The following SMC3 variants were observed in gnomAD, a reference collection of about 807,000 sequenced individuals.
SMC3 encodes the protein structural maintenance of chromosomes 3.
Under a neutral mutation model 171.8 loss-of-function variants are expected in SMC3, and 20 were observed. The observed-to-expected ratio is 0.12, with a 90% CI of 0.08 to 0.17. The LOEUF (loss-of-function observed/expected upper bound fraction) is 0.17. Among genes scored for constraint, SMC3 ranks in the 10% least tolerant of loss-of-function variants. SMC3 has a pLI of 1.00. For synonymous variants in SMC3, 464 were observed against 451.1 expected (o/e 1.03, Z -0.36); for missense variants, 543 against 1,420.4 (o/e 0.38, Z 9.93).
Position 110,573,938 on chromosome 10 carries a change from G to A in SMC3, c.130+193G>A, listed in dbSNP as rs79110044. On this transcript the variant is annotated intron_variant, in intron 3 of 28. Coordinates refer to ENST00000361804, the MANE Select transcript of SMC3 (RefSeq NM_005445.4). The stretch of plus-strand genomic sequence containing the variant: ...CTTTATACCCAGTGGCTGATTAGCT[G>A]TGTGAGAGTGGGCAAAACACGTAGC... 0.12 allele frequency among the ~76,000 whole-genome samples: 17,726 copies of A among 152,134 alleles called. 1,216 individuals are homozygous for A. Among genetic ancestry groups the A allele is most frequent in the East Asian group, 0.26 (1,357 of 5,174 alleles).
chr10:110,591,105 C>G lies in SMC3; in HGVS notation c.1785C>G (p.Val595=), dbSNP rs1488671740. 1.9e-6 allele frequency: 3 copies of G among 1,613,674 alleles called. No homozygotes were observed. In the Admixed American group the frequency reaches 5.0e-5, roughly 27 times the overall value. The part of the protein sequence containing the change: ...VTFLPLNKLD[V]RDTAYPETND... ...TTCTGCCTCTTAACAAGTTAGATGT[C>G]AGGGATACAGCCTATCCTGAAACCA... Residue 595 remains valine (V), a synonymous_variant, in exon 17 of 29, where the codon GTC becomes GTG. Transcript: ENST00000361804.
intron 18 of SMC3, among the ~76,000 whole-genome samples, chr10:110,595,682 C>G (rs1216811933): frequency 6.6e-6 from 1 of 152,078 alleles, no homozygotes; most frequent in Non-Finnish European, 1.5e-5. Context: ...TTAGCTGTCA[C>G]TCTTCTGTAG....
chr10:110,575,184 A>G, intron 3 of SMC3, 152 bp from the exon 4 acceptor site: 1 of 645,754 alleles, frequency 1.5e-6, no homozygotes, highest in Non-Finnish European at 2.8e-6. Flanking sequence ...GTGCAGGCAC[A>G]TTTTCTGCAT....
chr10:110,605,040 A>C lies in SMC3; in HGVS notation c.*738A>C, dbSNP rs1422390949. 1.3e-5 allele frequency among the ~76,000 whole-genome samples: 2 copies of C among 152,140 alleles called. No individual in the cohort carries two copies. The highest frequency in any genetic ancestry group is 6.5e-5 in the Admixed American group (1 of 15,276). On this transcript the variant is annotated 3_prime_UTR_variant, in exon 29 of 29. Transcript: ENST00000361804. Reference sequence around the variant, plus strand: ...TGAATAATATTCACATATTTTGTAGAATGTCCCTCAAATTAGGTTTGTCTA... The same window carrying C: ...TGAATAATATTCACATATTTTGTAGCATGTCCCTCAAATTAGGTTTGTCTA...
chr10:110,579,942 T>A (rs2419574), intron 7 of SMC3, among the ~76,000 whole-genome samples: 111,566 of 151,578 alleles, frequency 0.74, 42,275 homozygotes, highest in Non-Finnish European at 0.84. Flanking sequence ...ATTCTCTCTA[T>A]ATTTAAAGCA....
At chr10:110,593,019 A>C in intron 17 of SMC3, 54 bp from the exon 18 acceptor site, 1 of 1,366,302 alleles carries the variant, frequency 7.3e-7, no homozygotes, top group South Asian at 1.2e-5. Context: ...TCATAATTCT[A>C]AGTTCTTAGT....
rs1226471863 is a variant in SMC3, at chr10:110,599,857, T to C, written c.2427+45T>C. ...GAAAAAGAATTCGTTAGTAATTGGC[T>C]ATTGTGAAAAGGGCCTTTCTTGCTA... On this transcript the variant is annotated intron_variant, in intron 21 of 28. Coordinates refer to ENST00000361804, the MANE Select transcript of SMC3 (RefSeq NM_005445.4). The C allele has an allele frequency of 2.5e-6, 4 of 1,591,166 alleles. No homozygotes were observed. The East Asian group carries it at 8.9e-5, about 36-fold the overall frequency.
chr10:110,587,135 CTT>C (rs888024751), intron 13 of SMC3, among the ~76,000 whole-genome samples: 58 of 152,194 alleles, frequency 3.8e-4, no homozygotes, highest in African/African-American at 1.3e-3. Flanking sequence ...ACTTTTCTAA[CTT>C]ATGTCAGTGG....
intron 13 of SMC3, among the ~76,000 whole-genome samples, chr10:110,586,012 G>A (rs1861109106): frequency 6.6e-6 from 1 of 151,944 alleles, no homozygotes; most frequent in Non-Finnish European, 1.5e-5. Context: ...TAGCCAGGAT[G>A]GTCTTGATCT....
At position 110,567,719 on chromosome 10, in the gene SMC3, G is replaced by A. The variant is rs1860792123; in HGVS notation, c.-98G>A. ...TGTTTGGCTGAGGGGAGCGAGCGGC[G>A]CTTTGGGGGAGGGGTCGCGTAGGCG... On this transcript the variant is annotated 5_prime_UTR_variant, in exon 1 of 29. Transcript: ENST00000361804. The A allele has an allele frequency of 6.8e-7, 1 of 1,470,832 alleles. No individual in the cohort carries two copies. Among genetic ancestry groups the A allele is most frequent in the South Asian group, 1.1e-5 (1 of 87,174 alleles). 91.1% of individuals were successfully genotyped at this position (1,470,832 alleles called of 1,614,324 possible). A position where few individuals can be genotyped will look rare whatever the true frequency, so the allele number is the denominator to read the frequency against.
At position 110,598,123 on chromosome 10, in the gene SMC3, C is replaced by T. The variant is rs769599471; in HGVS notation, c.2117-16C>T. The T allele has an allele frequency of 1.9e-6, 3 of 1,611,576 alleles. No homozygotes were observed. The East Asian group carries it at 6.7e-5, about 36-fold the overall frequency. On this transcript the variant is annotated splice_polypyrimidine_tract_variant and intron_variant, in intron 19 of 28. Transcript: ENST00000361804. ...ATATTTACAACCTGGAGATAATTTT[C>T]CTTAGCCTTGTATATGGATTAATAA...
At position 110,567,798 on chromosome 10, in the gene SMC3, A is replaced by C; in HGVS notation, c.-19A>C. 6.2e-7 allele frequency: 1 copy of C among 1,613,344 alleles called. No homozygotes were observed. Among genetic ancestry groups the C allele is most frequent in the Non-Finnish European group, 8.5e-7 (1 of 1,179,716 alleles). ...GCTGCTCCGGGGCAGGTCTCCTTCC[A>C]GGCCAGGGGCCCGGAATCATGTACA... On this transcript the variant is annotated 5_prime_UTR_variant, in exon 1 of 29. Coordinates refer to ENST00000361804, the MANE Select transcript of SMC3 (RefSeq NM_005445.4).
chr10:110,575,998 A>G (rs11195191), intron 4 of SMC3, among the ~76,000 whole-genome samples: 17,729 of 152,232 alleles, frequency 0.12, 1,220 homozygotes, highest in East Asian at 0.26. Context: ...GTACTTAGAT[A>G]GTAAACATCA....
At chr10:110,595,917 CTTTTTTTT>C (rs10639343) in intron 18 of SMC3, among the ~76,000 whole-genome samples, 9 of 101,612 alleles carry the variant, frequency 8.9e-5, no homozygotes, top group Non-Finnish European at 1.5e-4. Context: ...ACTGGAGGTT[CTTTTTTTT>C]TTTTTTTTTT....
In SMC3 at chr10:110,590,982, T is replaced by C. The variant is rs1564792432; in HGVS notation, c.1671-9T>C. ...CAATAAAGATTTGTCTTACTCTGTT[T>C]ATATTTAGGTTATTTTATCACATTG... On this transcript the variant is annotated splice_polypyrimidine_tract_variant and intron_variant, in intron 16 of 28. Coordinates refer to ENST00000361804, the MANE Select transcript of SMC3 (RefSeq NM_005445.4). 6.2e-7 allele frequency: 1 copy of C among 1,612,092 alleles called. No individual in the cohort carries two copies. Among genetic ancestry groups the C allele is most frequent in the Admixed American group, 1.7e-5 (1 of 60,006 alleles).
At chr10:110,598,769 TCTC>T (rs1448127649) in intron 20 of SMC3, among the ~76,000 whole-genome samples, 1 of 152,060 alleles carries the variant, frequency 6.6e-6, no homozygotes, top group Non-Finnish European at 1.5e-5. Context: ...ATACCCAAAG[TCTC>T]CTATTGTTGG....
rs1384656918 is a variant in SMC3 at position 110,605,329 on chromosome 10, T to C, written c.*1027T>C. Among the ~76,000 whole-genome samples, 1 of 152,186 alleles carries C rather than the reference T, an allele frequency of 6.6e-6. No homozygotes were observed. The highest frequency in any genetic ancestry group is 2.4e-5 in the African/African-American group (1 of 41,460). ...CTACCTCAATAGTCCTCGTAGCTTT[T>C]TGTAGATTCTTTGAGATTTTCTACA... On this transcript the variant is annotated 3_prime_UTR_variant, in exon 29 of 29. Transcript: ENST00000361804.
chr10:110,594,370 G>A (rs529057424), intron 18 of SMC3, among the ~76,000 whole-genome samples: 1 of 151,920 alleles, frequency 6.6e-6, no homozygotes, highest in South Asian at 2.1e-4. Context: ...AGATAGTAGT[G>A]GGTCTAATAG....
In SMC3 at chr10:110,577,921, A is replaced by G; in HGVS notation, c.350+7A>G. ...TAGACAAGAAGATGGTCACGTAAGC[A>G]TTTTTCTTTTTTTTAAAAAAACTGA... is the stretch of plus-strand genomic sequence containing the variant. On this transcript the variant is annotated splice_region_variant and intron_variant, in intron 6 of 28. Transcript: ENST00000361804. The G allele has an allele frequency of 3.1e-6, 5 of 1,599,810 alleles. No individual in the cohort carries two copies. The highest frequency in any genetic ancestry group is 4.3e-6 in the Non-Finnish European group (5 of 1,167,172).
Sources: gnomAD v4.1 joint callset for allele counts (sites outside exome capture counted in the v4.1 genomes callset) on GRCh38, gnomAD v4.1.1 for gene constraint, MANE v1.5 for transcripts, NCBI Gene and HGNC (gene_info 2026-07-23, HGNC 2026-07-21) for gene names.